FAM120B: variants seen among roughly 807,000 people sequenced by gnomAD.
The protein encoded by FAM120B is family with sequence similarity 120 member B.
Under a neutral mutation model 96.3 loss-of-function variants are expected in FAM120B, and 83 were observed. The ratio of observed to expected loss-of-function variants is 0.86; its 90% confidence interval spans 0.72 to 1.03. FAM120B has a LOEUF of 1.03. Among genes scored for constraint, FAM120B ranks in the 50% least tolerant of loss-of-function variants. FAM120B has a pLI of 0.00. For synonymous variants in FAM120B, 407 were observed against 402.7 expected (o/e 1.01, Z -0.13); for missense variants, 1,027 against 1,121.2 (o/e 0.92, Z 1.20).
chr6:170,291,564 A>T (rs1374880787), upstream of FAM120B, among the ~76,000 whole-genome samples: 1 of 151,980 alleles, frequency 6.6e-6, no homozygotes, highest in Admixed American at 6.6e-5. Context: ...GCATCGTAGG[A>T]AAGGGGCGGG....
intron 6 of FAM120B, among the ~76,000 whole-genome samples, chr6:170,385,981 G>T (rs1790165256): frequency 2.0e-5 from 3 of 152,198 alleles, no homozygotes; most frequent in African/African-American, 7.2e-5. Context: ...GGGGAGGGAG[G>T]CTGAGCAGGC....
At chr6:170,382,781 A>G (rs974821843) in intron 6 of FAM120B, among the ~76,000 whole-genome samples, 24 of 152,230 alleles carry the variant, frequency 1.6e-4, no homozygotes, top group African/African-American at 5.5e-4. Flanking sequence ...ATTTTTTTGT[A>G]GATGCGCAAG....
At chr6:170,309,931 T>C (rs974938548) in intron 1 of FAM120B, among the ~76,000 whole-genome samples, 1 of 152,238 alleles carries the variant, frequency 6.6e-6, no homozygotes, top group East Asian at 1.9e-4. Flanking sequence ...TATAATGTTA[T>C]GTTGTGATGT....
intron 1 of FAM120B, among the ~76,000 whole-genome samples, chr6:170,309,974 C>CA (rs1191211325): frequency 2.0e-5 from 3 of 152,182 alleles, no homozygotes; most frequent in African/African-American, 7.2e-5. Flanking sequence ...GAGGCATATA[C>CA]AGCTATTTCC....
chr6:170,340,834 T>C (rs1240196915), intron 4 of FAM120B, among the ~76,000 whole-genome samples: 1 of 152,202 alleles, frequency 6.6e-6, no homozygotes, highest in Non-Finnish European at 1.5e-5. Flanking sequence ...ACAGCAAATA[T>C]TGCTGCCTGC....
chr6:170,371,366 G>A (rs577624284), intron 6 of FAM120B, among the ~76,000 whole-genome samples: 2 of 152,240 alleles, frequency 1.3e-5, no homozygotes, highest in South Asian at 4.1e-4. Context: ...GAGACACTTG[G>A]TAGTTTCACT....
intron 6 of FAM120B, among the ~76,000 whole-genome samples, chr6:170,371,999 T>G (rs1389091264): frequency 6.6e-6 from 1 of 152,156 alleles, no homozygotes; most frequent in Non-Finnish European, 1.5e-5. Context: ...ACAGAAAAAA[T>G]AAGCGTGAAA....
chr6:170,376,857 A>G (rs1055640581), intron 6 of FAM120B, among the ~76,000 whole-genome samples: 1 of 152,220 alleles, frequency 6.6e-6, no homozygotes, highest in African/African-American at 2.4e-5. Flanking sequence ...CCCCTAGAGA[A>G]GAGGAGGAAG....
At chr6:170,381,628 C>T (rs1441240424) in intron 6 of FAM120B, among the ~76,000 whole-genome samples, 1 of 151,800 alleles carries the variant, frequency 6.6e-6, no homozygotes, top group African/African-American at 2.4e-5. Context: ...AAATCTTGAA[C>T]AAAATATGAG....
At chr6:170,305,520 T>A (rs1784250928), upstream of FAM120B, among the ~76,000 whole-genome samples, 1 of 152,322 alleles carries the variant, frequency 6.6e-6, no homozygotes, top group Admixed American at 6.5e-5. Context: ...AGAAAATCAA[T>A]AGAATGTTTT....
At chr6:170,339,138 G>C (rs1786643868) in intron 4 of FAM120B, among the ~76,000 whole-genome samples, 1 of 152,138 alleles carries the variant, frequency 6.6e-6, no homozygotes. Flanking sequence ...TGTTTTTGCA[G>C]TGGCTGGTAC....
At chr6:170,298,634 G>A (rs55645114) in intron 1 of FAM120B, among the ~76,000 whole-genome samples, 60 of 152,156 alleles carry the variant, frequency 3.9e-4, no homozygotes, top group African/African-American at 1.4e-3. Context: ...TTCATTGGGG[G>A]ATCAGTAGTA....
intron 6 of FAM120B, among the ~76,000 whole-genome samples, chr6:170,373,398 C>T (rs1318966324): frequency 1.3e-5 from 2 of 152,164 alleles, no homozygotes; most frequent in Non-Finnish European, 2.9e-5. Flanking sequence ...ACTTGGGCTC[C>T]CAGAATGTTC....
intron 1 of FAM120B, among the ~76,000 whole-genome samples, chr6:170,296,329 C>G (rs1784006539): frequency 6.6e-6 from 1 of 152,168 alleles, no homozygotes; most frequent in African/African-American, 2.4e-5. Context: ...CACCTGAGGG[C>G]TTCCTGGAGG....
At position 170,363,491 on chromosome 6, in the gene FAM120B, C is replaced by T. The variant is rs1318084643; in HGVS notation, c.2283+5173C>T. On this transcript the variant is annotated intron_variant, in intron 6 of 10. Coordinates refer to ENST00000476287, the MANE Select transcript of FAM120B (RefSeq NM_032448.3). This position sits in a 1 kb window ranked among gnomAD's most constrained non-coding sequence, Gnocchi z 4.5. Reference sequence around the variant, plus strand: ...TTGGCCTGGGGCCTGCTGGGGCGCTCAGAAAACAGCAAGCTGTGTGTGCTG... The same window carrying T: ...TTGGCCTGGGGCCTGCTGGGGCGCTTAGAAAACAGCAAGCTGTGTGTGCTG... Among the ~76,000 whole-genome samples the T allele has an allele frequency of 6.6e-6, 1 of 152,244 alleles. No homozygotes were observed. The highest frequency in any genetic ancestry group is 1.5e-5 in the Non-Finnish European group (1 of 68,044).
chr6:170,345,948 T>C (rs113184074), intron 4 of FAM120B, among the ~76,000 whole-genome samples: 146 of 152,340 alleles, frequency 9.6e-4, no homozygotes, highest in African/African-American at 3.4e-3. Flanking sequence ...ACCTAAATTG[T>C]GTGGCCTGTG....
At chr6:170,361,192 A>G (rs1788345082) in intron 6 of FAM120B, among the ~76,000 whole-genome samples, 2 of 83,406 alleles carry the variant, frequency 2.4e-5, no homozygotes, top group African/African-American at 5.1e-5. Flanking sequence ...CTATATATAT[A>G]TACGTGTATA....
chr6:170,318,568 C>G lies in FAM120B; in HGVS notation c.1178C>G (p.Thr393Arg), dbSNP rs200873057. 4.5e-4 allele frequency: 675 copies of G among 1,487,636 alleles called. 16 individuals carry two copies. The East Asian group carries it at 0.017, about 37-fold the overall frequency. 92.2% of individuals were successfully genotyped at this position (1,487,636 alleles called of 1,614,324 possible). Residue 393 changes from threonine (T) to arginine (R), a missense_variant, in exon 2 of 11, where the codon ACA becomes AGA. Physicochemically the swap from Thr to Arg is moderately conservative, Grantham distance 71. This residue lies in a region of FAM120B where 880 missense variants were observed against 980.9 expected (regional missense o/e 0.90). Transcript: ENST00000476287. The part of the protein sequence containing the change: ...PEPRQEVPTC[T>R]GPESRREVPM... ...CCCAGGCAAGAAGTTCCCACGTGTA[C>G]AGGCCCTGAATCCAGGCGAGAAGTT... is the stretch of plus-strand genomic sequence containing the variant.
upstream of FAM120B, among the ~76,000 whole-genome samples, chr6:170,304,330 C>A (rs1784207337): frequency 6.6e-6 from 1 of 152,188 alleles, no homozygotes. Context: ...GTGACCTTTT[C>A]ATTTTTCCTT....
Sources: allele counts gnomAD v4.1 joint callset (sites outside exome capture counted in the v4.1 genomes callset), GRCh38; gene constraint gnomAD v4.1.1; regional missense constraint gnomAD v4.1.1; non-coding constraint Gnocchi (gnomAD v3.1); transcripts MANE v1.5; gene names NCBI Gene and HGNC (gene_info 2026-07-23, HGNC 2026-07-21).